Variants in SLC6A3 observed in about 807,000 individuals in gnomAD.
The protein encoded by SLC6A3 is sodium-dependent dopamine transporter.
In SLC6A3, 19 loss-of-function variants were observed where a neutral mutation model predicts 70.4. The observed-to-expected ratio is 0.27, with a 90% CI of 0.19 to 0.40. The LOEUF (loss-of-function observed/expected upper bound fraction) is 0.40. SLC6A3 is among the 10% of genes least tolerant of loss of function. The pLI, the probability that SLC6A3 is intolerant of heterozygous loss-of-function variation, is 1.00. For missense variants in SLC6A3, 613 were observed against 838.5 expected (o/e 0.73, Z 3.32); for synonymous variants, 368 against 356.6 (o/e 1.03, Z -0.36).
chr5:1,409,222 T>C (rs1756056931), intron 10 of SLC6A3, 97 bp from the exon 11 acceptor site: 1 of 895,082 alleles, frequency 1.1e-6, no homozygotes, highest in Non-Finnish European at 1.8e-6. Context: ...TTTCACTCAC[T>C]GCAAAACTCT....
intron 7 of SLC6A3, among the ~76,000 whole-genome samples, chr5:1,415,214 C>T (rs566514504): frequency 6.2e-4 from 95 of 152,142 alleles, no homozygotes; most frequent in Non-Finnish European, 9.9e-4. Context: ...TTCCCATGAA[C>T]TCCCAAGGGC....
At chr5:1,427,723 C>T (rs768050548) in intron 4 of SLC6A3, among the ~76,000 whole-genome samples, 2 of 152,184 alleles carry the variant, frequency 1.3e-5, no homozygotes, top group Non-Finnish European at 2.9e-5. Context: ...TACTATCAGA[C>T]AAAGTAGACT....
At chr5:1,414,284 A>C (rs566500321) in intron 8 of SLC6A3, among the ~76,000 whole-genome samples, 66 of 147,966 alleles carry the variant, frequency 4.5e-4, no homozygotes, top group South Asian at 8.8e-4. Context: ...TGGCATCTGC[A>C]GGGAGCAGTC....
At chr5:1,414,866 G>A (rs768257315) in intron 7 of SLC6A3, 51 bp from the exon 8 acceptor site, 17 of 1,611,192 alleles carry the variant, frequency 1.1e-5, no homozygotes, top group Non-Finnish European at 1.3e-5. Flanking sequence ...TGCAGCAGCT[G>A]CAATTTTCCA....
At chr5:1,420,929 T>C (rs1756420362) in intron 5 of SLC6A3, among the ~76,000 whole-genome samples, 1 of 152,212 alleles carries the variant, frequency 6.6e-6, no homozygotes, top group Non-Finnish European at 1.5e-5. Context: ...AAGAACAACT[T>C]GGCAGGGAAA....
rs577760312 is a variant in SLC6A3, at chr5:1,442,894, G to T, written c.286+18C>A. ...CCCGCCCGGCCAGCATGCTCAGGGA[G>T]GCTGAGATGGGACTTACCGCCACCA... On this transcript the variant is annotated intron_variant, in intron 2 of 14. Coordinates refer to ENST00000270349, the MANE Select transcript of SLC6A3 (RefSeq NM_001044.5). The surrounding 1 kb of genome is among the most constrained non-coding windows in gnomAD (Gnocchi z 5.0). The T allele has an allele frequency of 5.6e-6, 9 of 1,613,930 alleles. No homozygotes were observed. The highest frequency in any genetic ancestry group is 1.1e-5 in the South Asian group (1 of 91,092).
Position 1,401,210 on chromosome 5 carries a change from T to A in SLC6A3, c.1768-224A>T, listed in dbSNP as rs972895821. On this transcript the variant is annotated intron_variant, in intron 13 of 14. Transcript: ENST00000270349. The surrounding 1 kb of genome is among the most constrained non-coding windows in gnomAD (Gnocchi z 6.1). Reference sequence around the variant, plus strand: ...CAGCCAGTCAGGCCCGAAGCCAACATCCTGACGGTCCCCTTAAAGTCTAGC... The same window carrying A: ...CAGCCAGTCAGGCCCGAAGCCAACAACCTGACGGTCCCCTTAAAGTCTAGC... 2 of 696,866 alleles carry A rather than the reference T, an allele frequency of 2.9e-6. No homozygotes were observed. Among genetic ancestry groups the A allele is most frequent in the African/African-American group, 3.5e-5 (2 of 57,116 alleles). The allele number at this position is 696,866 out of a possible 1,614,324, so 43.2% of individuals were successfully genotyped here.
rs189540522 is a variant in SLC6A3 at position 1,414,642 on chromosome 5, G to A, written c.1156+49C>T. 1.6e-4 allele frequency: 254 copies of A among 1,605,338 alleles called. 1 individual carries two copies. The highest frequency in any genetic ancestry group is 7.6e-4 in the East Asian group (34 of 44,632). On this transcript the variant is annotated intron_variant, in intron 8 of 14. Transcript: ENST00000270349. ...AGGAAAAAGGCTTTGCTGAGAGCTC[G>A]GCGCTGGTGCTACACGGAGCAGGCC...
chr5:1,411,424 C>G lies in SLC6A3; in HGVS notation c.1157-69G>C. ...CTCTCCCGCCCATCCTGCCCCACCC[C>G]GCCCCGAGAAGCATGGCCTGCCACA... is the stretch of plus-strand genomic sequence containing the variant. On this transcript the variant is annotated intron_variant, in intron 8 of 14. Transcript: ENST00000270349. The surrounding 1 kb of genome is among the most constrained non-coding windows in gnomAD (Gnocchi z 6.5). The G allele has an allele frequency of 8.5e-7, 1 of 1,182,726 alleles. No homozygotes were observed. Among genetic ancestry groups the G allele is most frequent in the Non-Finnish European group, 1.2e-6 (1 of 814,788 alleles). The allele number at this position is 1,182,726 out of a possible 1,614,324, so 73.3% of individuals were successfully genotyped here.
rs1756832901 is a variant in SLC6A3, at chr5:1,436,230, C to T, written c.419-3532G>A. Among the ~76,000 whole-genome samples the T allele has an allele frequency of 6.6e-6, 1 of 152,258 alleles. No homozygotes were observed. Among genetic ancestry groups the T allele is most frequent in the Non-Finnish European group, 1.5e-5 (1 of 68,044 alleles). ...GACGTGTAGCCCCTCACCAACCAGCCAACTTCACCACGAGCTCCTCAAGCT... is the reference window on the plus strand; with the variant it reads ...GACGTGTAGCCCCTCACCAACCAGCTAACTTCACCACGAGCTCCTCAAGCT... On this transcript the variant is annotated intron_variant, in intron 3 of 14. Coordinates refer to ENST00000270349, the MANE Select transcript of SLC6A3 (RefSeq NM_001044.5). This position sits in a 1 kb window ranked among gnomAD's most constrained non-coding sequence, Gnocchi z 5.2.
Position 1,402,835 on chromosome 5 carries a change from G to T in SLC6A3, c.1767+87C>A. On this transcript the variant is annotated intron_variant, in intron 13 of 14. Coordinates refer to ENST00000270349, the MANE Select transcript of SLC6A3 (RefSeq NM_001044.5). The surrounding 1 kb of genome is among the most constrained non-coding windows in gnomAD (Gnocchi z 8.5). Reference sequence around the variant, plus strand: ...CCTCCTCTTGGTCACAGATGACCCAGGCAGGTGAGGACTGGGGCCATGGAC... The same window carrying T: ...CCTCCTCTTGGTCACAGATGACCCATGCAGGTGAGGACTGGGGCCATGGAC... 1 of 1,343,064 alleles carries T rather than the reference G, an allele frequency of 7.4e-7. No homozygotes were observed. Among genetic ancestry groups the T allele is most frequent in the Non-Finnish European group, 1.0e-6 (1 of 952,418 alleles). The allele number at this position is 1,343,064 out of a possible 1,614,324, so 83.2% of individuals were successfully genotyped here.
At position 1,413,765 on chromosome 5, in the gene SLC6A3, C is replaced by A. The variant is rs549098076; in HGVS notation, c.1156+926G>T. Among the ~76,000 whole-genome samples the A allele has an allele frequency of 1.8e-3, 276 of 152,196 alleles. 1 individual carries two copies. Among genetic ancestry groups the A allele is most frequent in the Non-Finnish European group, 3.1e-3 (213 of 68,000 alleles). On this transcript the variant is annotated intron_variant, in intron 8 of 14. Coordinates refer to ENST00000270349, the MANE Select transcript of SLC6A3 (RefSeq NM_001044.5). The surrounding 1 kb of genome is among the most constrained non-coding windows in gnomAD (Gnocchi z 7.1). ...CTGCTGGCTGACAGAGACCGAGAAG[C>A]CTTGGGACTCCCTGGAGCTCTCGGT...
In SLC6A3 at chr5:1,406,322, G is replaced by A. The variant is rs372784322; in HGVS notation, c.1499-34C>T. 1.1e-5 allele frequency: 17 copies of A among 1,558,418 alleles called. No individual in the cohort carries two copies. The African/African-American group carries it at 2.2e-4, about 20-fold the overall frequency. ...GAAGAGGTGGCATCAGTGTCCATCA[G>A]GGCAGCGCATTCCCCCGATGCTGGA... On this transcript the variant is annotated intron_variant, in intron 11 of 14. Transcript: ENST00000270349. The surrounding 1 kb of genome is among the most constrained non-coding windows in gnomAD (Gnocchi z 8.8).
chr5:1,431,213 G>C (rs536518692), intron 4 of SLC6A3, among the ~76,000 whole-genome samples: 1 of 152,258 alleles, frequency 6.6e-6, no homozygotes, highest in Non-Finnish European at 1.5e-5. Flanking sequence ...GGGTCCAGGG[G>C]AAACAGGGAA....
At chr5:1,418,088 G>A (rs1376835596) in intron 6 of SLC6A3, among the ~76,000 whole-genome samples, 2 of 152,216 alleles carry the variant, frequency 1.3e-5, no homozygotes, top group African/African-American at 4.8e-5. Flanking sequence ...AGCCGAGAGT[G>A]GCTGGGTGGG....
In SLC6A3 at chr5:1,401,010, G is replaced by A; in HGVS notation, c.1768-24C>T. The A allele has an allele frequency of 6.4e-7, 1 of 1,563,938 alleles. No individual in the cohort carries two copies. The highest frequency in any genetic ancestry group is 2.3e-5 in the East Asian group (1 of 43,242). ...TTCTGAAAGAGAAAGAGAGTGCAGG[G>A]GTCAGTGCAGACCAGTACCCACTGC... On this transcript the variant is annotated intron_variant, in intron 13 of 14. Transcript: ENST00000270349. This position sits in a 1 kb window ranked among gnomAD's most constrained non-coding sequence, Gnocchi z 6.1.
chr5:1,437,481 G>C lies in SLC6A3; in HGVS notation c.418+3878C>G, dbSNP rs1456089080. Among the ~76,000 whole-genome samples the C allele has an allele frequency of 6.6e-6, 1 of 152,112 alleles. No individual in the cohort carries two copies. Among genetic ancestry groups the C allele is most frequent in the Non-Finnish European group, 1.5e-5 (1 of 67,990 alleles). ...AGAGACACAGGGAGAGGGAAAGAGA[G>C]CGAGGGGAAGGGAGGAGACGGAGAG... is the stretch of plus-strand genomic sequence containing the variant. On this transcript the variant is annotated intron_variant, in intron 3 of 14. Coordinates refer to ENST00000270349, the MANE Select transcript of SLC6A3 (RefSeq NM_001044.5). This position sits in a 1 kb window ranked among gnomAD's most constrained non-coding sequence, Gnocchi z 4.8.
chr5:1,435,305 C>G (rs572319302), intron 3 of SLC6A3, among the ~76,000 whole-genome samples: 29 of 152,308 alleles, frequency 1.9e-4, no homozygotes, highest in Non-Finnish European at 3.8e-4. Context: ...GGAGGGTTTT[C>G]CATGGTGGTA....
intron 4 of SLC6A3, among the ~76,000 whole-genome samples, chr5:1,427,308 G>A (rs1756593997): frequency 1.3e-5 from 2 of 152,262 alleles, no homozygotes; most frequent in South Asian, 4.1e-4. Context: ...CTTCTGCTCT[G>A]TGAAACGGTA....
Sources: gnomAD v4.1 joint callset for allele counts (sites outside exome capture counted in the v4.1 genomes callset) on GRCh38, gnomAD v4.1.1 for gene constraint, Gnocchi (gnomAD v3.1) non-coding constraint, MANE v1.5 for transcripts, NCBI Gene and HGNC (gene_info 2026-07-23, HGNC 2026-07-21) for gene names.